The following TRPC5 variants were observed in gnomAD, a reference collection of about 807,000 sequenced individuals.
The protein encoded by TRPC5 is transient receptor potential cation channel subfamily C member 5.
Under a neutral mutation model 56.5 loss-of-function variants are expected in TRPC5, and 9 were observed. The ratio of observed to expected loss-of-function variants is 0.16; its 90% confidence interval spans 0.10 to 0.28. The LOEUF (loss-of-function observed/expected upper bound fraction) is 0.28. TRPC5 is among the 10% of genes least tolerant of loss of function. The pLI is 1.00. For missense variants in TRPC5, 469 were observed against 748.9 expected (o/e 0.63, Z 4.36); for synonymous variants, 282 against 278.5 (o/e 1.01, Z -0.13).
At chrX:111,909,356 AAATT>A (rs1055589217) in intron 3 of TRPC5, among the ~76,000 whole-genome samples, 17 of 94,655 alleles carry the variant, frequency 1.8e-4, no homozygotes, top group African/African-American at 3.6e-4. Flanking sequence ...ATAAATAAAT[AAATT>A]AATTAATTAA....
intron 1 of TRPC5, among the ~76,000 whole-genome samples, chrX:112,062,851 G>A (rs989668296): frequency 2.5e-4 from 28 of 111,787 alleles, no homozygotes; most frequent in African/African-American, 8.5e-4. Context: ...TGTGCAGAAT[G>A]GATTGACAGG....
At chrX:112,017,797 C>T (rs138415038) in intron 1 of TRPC5, among the ~76,000 whole-genome samples, 1,645 of 111,684 alleles carry the variant, frequency 0.015, 10 homozygotes, top group Non-Finnish European at 0.023. Context: ...TATGCTATTT[C>T]CTTCTTCTAG....
intron 1 of TRPC5, among the ~76,000 whole-genome samples, chrX:112,066,347 C>T (rs1434707921): frequency 1.8e-5 from 2 of 111,671 alleles, no homozygotes; most frequent in African/African-American, 6.5e-5. Context: ...TTTAATCATT[C>T]AGCCCCTGTG....
At chrX:111,938,605 C>T (rs1926673430) in intron 2 of TRPC5, among the ~76,000 whole-genome samples, 1 of 111,146 alleles carries the variant, frequency 9.0e-6, no homozygotes, top group Non-Finnish European at 1.9e-5. Context: ...TTGAGATAAT[C>T]ATGTGGTTTT....
chrX:111,854,175 T>C (rs1923160246), intron 3 of TRPC5, 69 bp from the exon 4 acceptor site: 2 of 1,070,641 alleles, frequency 1.9e-6, no homozygotes, highest in Non-Finnish European at 1.2e-6. Context: ...ATAATACCTT[T>C]CCTAGTTTAC....
rs754729916 is a variant in TRPC5 at position 111,912,526 on chromosome X, C to T, written c.665G>A (p.Arg222His). ...SSEDPILTAF[R>H]LGWELKELSK... Reference sequence around the variant, plus strand: ...GAGCTCCTTGAGCTCCCAGCCCAGACGGAAGGCAGTTAGGATGGGGTCCTC... The same window carrying T: ...GAGCTCCTTGAGCTCCCAGCCCAGATGGAAGGCAGTTAGGATGGGGTCCTC... The change falls in exon 3 of 11, where the codon CGT (arginine) becomes CAT (histidine). Residue 222 changes from arginine (R) to histidine (H), a missense_variant. Coordinates refer to ENST00000262839, the MANE Select transcript of TRPC5 (RefSeq NM_012471.3). The T allele has an allele frequency of 1.3e-5, 16 of 1,209,575 alleles. No homozygotes were observed. The highest frequency in any genetic ancestry group is 2.3e-4 in the Middle Eastern group (1 of 4,376).
intron 3 of TRPC5, among the ~76,000 whole-genome samples, chrX:111,888,693 C>CAAAAAAAAAAAAAAAAAAAAAA (rs753735549): frequency 9.1e-5 from 1 of 10,985 alleles, no homozygotes; most frequent in African/African-American, 2.2e-4. Context: ...GACTCTATCT[C>CAAAAAAAAAAAAAAAAAAAAAA]AAAAAAAAAA....
At chrX:111,923,674 G>A (rs183098552) in intron 2 of TRPC5, among the ~76,000 whole-genome samples, 5 of 111,623 alleles carry the variant, frequency 4.5e-5, no homozygotes, top group Non-Finnish European at 7.5e-5. Flanking sequence ...CAGAGTGGCC[G>A]GCCTTTGGAG....
chrX:111,769,478 T>C lies in TRPC5; in HGVS notation c.*6835A>G, dbSNP rs1945831690. Among the ~76,000 whole-genome samples, 1 of 111,692 alleles carries C rather than the reference T, an allele frequency of 9.0e-6. No homozygotes were observed. Among genetic ancestry groups the C allele is most frequent in the Non-Finnish European group, 1.9e-5 (1 of 53,109 alleles). Reference sequence around the variant, plus strand: ...GCATAATTGAAACTAGATTCCAGGATACAAAGGAGAACAAGCATTCTTGAG... The same window carrying C: ...GCATAATTGAAACTAGATTCCAGGACACAAAGGAGAACAAGCATTCTTGAG... On this transcript the variant is annotated 3_prime_UTR_variant, in exon 11 of 11. Coordinates refer to ENST00000262839, the MANE Select transcript of TRPC5 (RefSeq NM_012471.3).
chrX:112,068,011 A>G (rs922805589), intron 1 of TRPC5, among the ~76,000 whole-genome samples: 2 of 112,607 alleles, frequency 1.8e-5, no homozygotes, highest in African/African-American at 6.5e-5. Context: ...TTTACAGGTG[A>G]AGAAACTGAG....
chrX:111,839,266 C>T (rs1040496557), intron 6 of TRPC5, among the ~76,000 whole-genome samples: 2 of 111,652 alleles, frequency 1.8e-5, no homozygotes, highest in African/African-American at 6.5e-5. Flanking sequence ...GAAGCCTGCC[C>T]CAACTCCTTT....
chrX:112,027,785 C>G (rs1015877488), intron 1 of TRPC5, among the ~76,000 whole-genome samples: 1 of 112,060 alleles, frequency 8.9e-6, no homozygotes, highest in Non-Finnish European at 1.9e-5. Flanking sequence ...CGTGAGCCAC[C>G]GCGCCTGGCC....
chrX:111,996,429 G>T (rs192227507), intron 1 of TRPC5, among the ~76,000 whole-genome samples: 39 of 111,940 alleles, frequency 3.5e-4, no homozygotes, highest in African/African-American at 1.2e-3. Flanking sequence ...TAGAATAAGT[G>T]CGATGTGGTG....
At chrX:111,800,405 G>A (rs941951126) in intron 7 of TRPC5, among the ~76,000 whole-genome samples, 11 of 111,761 alleles carry the variant, frequency 9.8e-5, no homozygotes, top group Non-Finnish European at 2.1e-4. Context: ...GCCGAGGAGG[G>A]TGGATCACGA....
rs1277268629 is a variant in TRPC5, at chrX:111,937,941, TG to T, written c.378+14101del. 7.2e-5 allele frequency among the ~76,000 whole-genome samples: 7 copies of T among 96,720 alleles called. No homozygotes were observed. In the East Asian group the frequency reaches 1.9e-3, roughly 27 times the overall value. 84.0% of individuals were successfully genotyped at this position (96,720 alleles called of 115,157 possible). On this transcript the variant is annotated intron_variant, in intron 2 of 10. Transcript: ENST00000262839. ...AATCTATAAATTACCTTGGGCAGTA[TG>T]GCCATTTTCACGATATTGATTCTTC... is the stretch of plus-strand genomic sequence containing the variant.
intron 2 of TRPC5, among the ~76,000 whole-genome samples, chrX:111,913,364 A>G (rs1925876181): frequency 9.0e-6 from 1 of 111,528 alleles, no homozygotes; most frequent in Admixed American, 9.5e-5. Flanking sequence ...TAGAGACTAT[A>G]TATATAACTT....
intron 1 of TRPC5, among the ~76,000 whole-genome samples, chrX:112,051,124 G>C (rs781295632): frequency 1.2e-4 from 13 of 112,740 alleles, no homozygotes; most frequent in Admixed American, 2.8e-4. Flanking sequence ...GAAGACTGAA[G>C]GGTGGGAAGA....
chrX:111,779,153 A>T (rs1030376513), intron 9 of TRPC5, 79 bp from the exon 10 acceptor site: 1 of 688,052 alleles, frequency 1.5e-6, no homozygotes, highest in Non-Finnish European at 2.1e-6. Flanking sequence ...ATAGGAAATA[A>T]AACATGCTTA....
chrX:111,944,297 T>TAAA (rs1926863981), intron 2 of TRPC5, among the ~76,000 whole-genome samples: 1 of 87,650 alleles, frequency 1.1e-5, no homozygotes, highest in African/African-American at 5.3e-5. Flanking sequence ...TGTGTGTGTG[T>TAAA]GTGTGTGAGA....
Sources: gnomAD v4.1 joint callset for allele counts (sites outside exome capture counted in the v4.1 genomes callset) on GRCh38, gnomAD v4.1.1 for gene constraint, MANE v1.5 for transcripts, NCBI Gene and HGNC (gene_info 2026-07-23, HGNC 2026-07-21) for gene names.